The following GGT1 variants were observed in gnomAD, a reference collection of about 807,000 sequenced individuals.
GGT1 encodes glutathione hydrolase 1 proenzyme.
In GGT1, 21 loss-of-function variants were observed where a neutral mutation model predicts 56.0. The observed-to-expected ratio is 0.38, with a 90% CI of 0.27 to 0.54. The LOEUF is 0.54. Ranked by LOEUF, GGT1 falls within the 20% of genes least tolerant of loss-of-function variation. The pLI is 0.82. For missense variants in GGT1, 466 were observed against 787.0 expected, an observed-to-expected ratio of 0.59 and a Z score of 4.88; for synonymous variants, 238 against 342.6, an observed-to-expected ratio of 0.69 and a Z score of 3.37.
At chr22:24,625,296 TAC>T (rs2047677493) in intron 11 of GGT1, among the ~76,000 whole-genome samples, 1 of 152,168 alleles carries the variant, frequency 6.6e-6, no homozygotes, top group South Asian at 2.1e-4. Flanking sequence ...TTTTTGTTTG[TAC>T]ACAGAGTCTC....
intron 11 of GGT1, 120 bp from the exon 12 acceptor site, chr22:24,627,312 C>G: frequency 1.5e-6 from 2 of 1,332,740 alleles, no homozygotes; most frequent in Non-Finnish European, 2.1e-6. Context: ...TGGGGAGCCA[C>G]GGAAGGTTGT....
chr22:24,607,293 T>G (rs1337624148), intron 1 of GGT1, among the ~76,000 whole-genome samples: 3 of 151,910 alleles, frequency 2.0e-5, no homozygotes, highest in African/African-American at 7.3e-5. Flanking sequence ...CCCCTTAGGC[T>G]GGGTTCTGGT....
rs377129033 is a variant in GGT1, at chr22:24,595,694, T to C, written c.-324+808T>C. On this transcript the variant is annotated intron_variant, in intron 1 of 6. Coordinates refer to the GGT1 transcript ENST00000411974. ...GTGGGACCTGCCAGGAGACAAGAAT[T>C]GATGACAGCCACACCTTTGGAGTCT... 9.5e-4 allele frequency among the ~76,000 whole-genome samples: 145 copies of C among 152,294 alleles called. 1 individual carries two copies. The highest frequency in any genetic ancestry group is 3.4e-3 in the African/African-American group (140 of 41,558).
intron 11 of GGT1, chr22:24,624,681 G>C (rs78352719): frequency 1.0e-6 from 1 of 983,250 alleles, no homozygotes. Context: ...TCGCTGGCTC[G>C]GGGTGCTGTT....
At chr22:24,616,554 CTTTTTTTTTT>C (rs113675142) in intron 7 of GGT1, among the ~76,000 whole-genome samples, 2 of 131,976 alleles carry the variant, frequency 1.5e-5, no homozygotes, top group Admixed American at 7.5e-5. Context: ...TTTTTTTTTT[CTTTTTTTTTT>C]TTTTGTCACC....
rs747110600 is a variant in GGT1 at position 24,623,744 on chromosome 22, G to A, written c.884-36G>A. 6.2e-6 allele frequency: 10 copies of A among 1,605,436 alleles called. No homozygotes were observed. In the East Asian group the frequency reaches 2.2e-4, roughly 36 times the overall value. On this transcript the variant is annotated intron_variant, in intron 10 of 15. Coordinates refer to ENST00000400382, the MANE Select transcript of GGT1 (RefSeq NM_001288833.2). ...CCCTCTGAGCCCCTCAGAGCCTCTG[G>A]GGCTCAGCAACATGCACCTGGCTCT... is the stretch of plus-strand genomic sequence containing the variant.
At chr22:24,592,927 A>T (rs1410603457), upstream of GGT1, 3 of 1,250,892 alleles carry the variant, frequency 2.4e-6, no homozygotes, top group African/African-American at 4.7e-5. Flanking sequence ...CGTGGACTGG[A>T]TCTCGCGGAG....
upstream of GGT1, among the ~76,000 whole-genome samples, chr22:24,598,954 A>G (rs141975428): frequency 6.8e-4 from 103 of 152,222 alleles, 1 homozygote; most frequent in East Asian, 0.017. Context: ...GAAATTAAAG[A>G]CAGGGTCTCT....
upstream of GGT1, among the ~76,000 whole-genome samples, chr22:24,598,439 C>A (rs536380181): frequency 7.9e-6 from 1 of 126,682 alleles, no homozygotes; most frequent in African/African-American, 3.6e-5. Context: ...GACTGAGACT[C>A]CGTCTCAAAA....
chr22:24,607,447 G>A (rs150184356), intron 1 of GGT1, among the ~76,000 whole-genome samples: 124 of 152,324 alleles, frequency 8.1e-4, no homozygotes, highest in Non-Finnish European at 1.2e-3. Flanking sequence ...GGCAGACAGC[G>A]CCCTTTGGAG....
the GGT1 span, among the ~76,000 whole-genome samples, chr22:24,586,849 A>T: frequency 1.3e-5 from 2 of 152,202 alleles, no homozygotes; most frequent in African/African-American, 4.8e-5. Flanking sequence ...TCACTTTCTA[A>T]GTGGGTGGCC....
At chr22:24,596,162 A>C (rs2045688739) in intron 1 of GGT1, among the ~76,000 whole-genome samples, 1 of 152,190 alleles carries the variant, frequency 6.6e-6, no homozygotes, top group Non-Finnish European at 1.5e-5. Context: ...CAGGGCCTGG[A>C]TTCAAATCCC....
At chr22:24,604,148 A>C (rs1273473655) in intron 1 of GGT1, among the ~76,000 whole-genome samples, 1 of 129,090 alleles carries the variant, frequency 7.7e-6, no homozygotes, top group Non-Finnish European at 1.6e-5. Context: ...AGATCTGTGC[A>C]TTCTCATATC....
At chr22:24,596,612 G>T (rs560131107) in intron 1 of GGT1, among the ~76,000 whole-genome samples, 1 of 151,940 alleles carries the variant, frequency 6.6e-6, no homozygotes, top group Non-Finnish European at 1.5e-5. Context: ...TTGTAATAAC[G>T]CTAGTGCCTG....
chr22:24,627,475 G>A lies in GGT1; in HGVS notation c.1064G>A (p.Arg355Gln), dbSNP rs370929706. ...TCCGAGTTCTTCGCTGCCCAGCTCC[G>A]GGCCCAGATCTCTGACGACACCACT... ...MTSEFFAAQL[R>Q]AQISDDTTHP... Residue 355 changes from arginine to glutamine, a missense_variant, in exon 12 of 16, where the codon CGG becomes CAG. By Grantham distance (43) the Arg-to-Gln change is conservative (BLOSUM62 1). This residue lies in a region of GGT1 where 456 missense variants were observed against 716.7 expected (regional missense o/e 0.64). Transcript: ENST00000400382. 6.4e-5 allele frequency: 102 copies of A among 1,582,708 alleles called. No homozygotes were observed. In the African/African-American group the frequency reaches 6.7e-4, roughly 10 times the overall value.
At chr22:24,594,484 CCA>C (rs1366747683), upstream of GGT1, among the ~76,000 whole-genome samples, 1 of 151,546 alleles carries the variant, frequency 6.6e-6, no homozygotes, top group African/African-American at 2.4e-5. Context: ...CACTGCCTGC[CCA>C]GAGATGGCAG....
At chr22:24,589,328 AC>A in the GGT1 span, 2 of 1,167,090 alleles carry the variant, frequency 1.7e-6, no homozygotes, top group Non-Finnish European at 2.2e-6. Flanking sequence ...CTTGCTTATG[AC>A]CCCAGCTGTT....
the GGT1 span, chr22:24,585,550 G>A: frequency 2.8e-6 from 1 of 360,210 alleles, no homozygotes; most frequent in Non-Finnish European, 5.1e-6. Context: ...CACCCTTTTG[G>A]ATAGACACAG....
chr22:24,589,919 C>T (rs1669492960), upstream of GGT1: 1 of 1,610,414 alleles, frequency 6.2e-7, no homozygotes, highest in South Asian at 1.1e-5. Flanking sequence ...TAGAGGATAT[C>T]AGGAAGGAGG....
Sources: allele counts gnomAD v4.1 joint callset (sites outside exome capture counted in the v4.1 genomes callset), GRCh38; gene constraint gnomAD v4.1.1; regional missense constraint gnomAD v4.1.1; transcripts MANE v1.5; gene names NCBI Gene and HGNC (gene_info 2026-07-23, HGNC 2026-07-21).